The following KIF6 variants were observed in gnomAD, a reference collection of about 807,000 sequenced individuals.
KIF6 encodes kinesin-like protein KIF6.
Under a neutral mutation model 112.7 loss-of-function variants are expected in KIF6, and 106 were observed. The ratio of observed to expected loss-of-function variants is 0.94; its 90% CI spans 0.80 to 1.11. The LOEUF is 1.11. KIF6 is among the 50% of genes least tolerant of loss of function. The pLI, the probability that KIF6 is intolerant of heterozygous loss-of-function variation, is 0.00. For missense variants in KIF6, 929 were observed against 964.0 expected (o/e 0.96, Z 0.48); for synonymous variants, 339 against 339.9 (o/e 1.00, Z 0.03).
intron 16 of KIF6, among the ~76,000 whole-genome samples, chr6:39,364,277 C>T (rs547699693): frequency 1.4e-4 from 21 of 152,068 alleles, no homozygotes; most frequent in Admixed American, 1.3e-4. Context: ...CACACCACCA[C>T]GCCCAGCTAA....
chr6:39,574,400 C>T (rs944904745), intron 10 of KIF6, among the ~76,000 whole-genome samples: 4 of 152,142 alleles, frequency 2.6e-5, no homozygotes, highest in Non-Finnish European at 5.9e-5. Context: ...TGCATGTCGG[C>T]AGAATGCCTT....
At chr6:39,353,652 C>T (rs1764424073) in intron 19 of KIF6, 1 of 157,144 alleles carries the variant, frequency 6.4e-6, no homozygotes, top group Non-Finnish European at 1.4e-5. Context: ...AAACAAAACA[C>T]ATCATGTCAG....
intron 14 of KIF6, among the ~76,000 whole-genome samples, chr6:39,428,202 C>T (rs1417214729): frequency 1.3e-5 from 2 of 152,130 alleles, no homozygotes; most frequent in Non-Finnish European, 2.9e-5. Flanking sequence ...GGAGTCAGGG[C>T]CAGGCTTTGG....
intron 10 of KIF6, among the ~76,000 whole-genome samples, chr6:39,549,587 T>C (rs1038734016): frequency 3.3e-5 from 5 of 152,216 alleles, no homozygotes; most frequent in Non-Finnish European, 7.3e-5. Flanking sequence ...TTGGGTGATG[T>C]ATTTCTAAAA....
chr6:39,389,418 A>G lies in KIF6; in HGVS notation c.1811-3746T>C, dbSNP rs114595311. ...AACATGTTTATGTTGCTATCAAACA[A>G]TAAATACTTATCTCTCATCTACTAT... On this transcript the variant is annotated intron_variant, in intron 15 of 22. Coordinates refer to ENST00000287152, the MANE Select transcript of KIF6 (RefSeq NM_145027.6). Among the ~76,000 whole-genome samples, 881 of 152,272 alleles carry G rather than the reference A, an allele frequency of 5.8e-3. 11 individuals are homozygous for G. Among genetic ancestry groups the G allele is most frequent in the African/African-American group, 0.02 (822 of 41,536 alleles).
At chr6:39,430,721 CT>C (rs1771092124) in intron 14 of KIF6, among the ~76,000 whole-genome samples, 1 of 152,186 alleles carries the variant, frequency 6.6e-6, no homozygotes, top group Admixed American at 6.5e-5. Context: ...GGTCCATAGA[CT>C]TTTTCCCCCC....
At chr6:39,443,711 T>C (rs1772116692) in intron 13 of KIF6, among the ~76,000 whole-genome samples, 1 of 152,012 alleles carries the variant, frequency 6.6e-6, no homozygotes, top group Admixed American at 6.5e-5. Flanking sequence ...CCCAAAGCAC[T>C]GGAATTATAG....
chr6:39,474,371 G>A (rs1409160521), intron 13 of KIF6, among the ~76,000 whole-genome samples: 2 of 152,130 alleles, frequency 1.3e-5, no homozygotes, highest in South Asian at 2.1e-4. Context: ...GTCTTCAGTC[G>A]TAGGTAGCCT....
rs537198408 is a variant in KIF6, at chr6:39,454,294, A to G, written c.1646-23133T>C. On this transcript the variant is annotated intron_variant, in intron 13 of 22. Transcript: ENST00000287152. ...CATCTAAAGAAATGGAAAAGATGAA[A>G]GAGAGATTGAGATGTGAAAGAGAGA... 5.9e-5 allele frequency among the ~76,000 whole-genome samples: 9 copies of G among 152,276 alleles called. No homozygotes were observed. The East Asian group carries it at 1.5e-3, about 26-fold the overall frequency.
chr6:39,622,023 C>T (rs764692957), intron 5 of KIF6, among the ~76,000 whole-genome samples: 19 of 151,722 alleles, frequency 1.3e-4, no homozygotes, highest in Non-Finnish European at 2.5e-4. Flanking sequence ...AAAAATTAGA[C>T]GGGTGGGGCG....
At chr6:39,679,013 G>A (rs1464229847) in intron 3 of KIF6, among the ~76,000 whole-genome samples, 1 of 152,130 alleles carries the variant, frequency 6.6e-6, no homozygotes, top group East Asian at 1.9e-4. Flanking sequence ...ACAAATGACA[G>A]CAGAATTTTA....
At chr6:39,338,812 T>C (rs1415585072) in intron 22 of KIF6, among the ~76,000 whole-genome samples, 1 of 152,156 alleles carries the variant, frequency 6.6e-6, no homozygotes, top group Non-Finnish European at 1.5e-5. Context: ...GCTCTGATGT[T>C]TCTGCTGCAC....
rs180897650 is a variant in KIF6, at chr6:39,499,544, C to T, written c.1645+40459G>A. 2.1e-4 allele frequency among the ~76,000 whole-genome samples: 32 copies of T among 152,188 alleles called. No homozygotes were observed. In the East Asian group the frequency reaches 6.0e-3, roughly 29 times the overall value. ...ACATAGTACCCCAGTATACCCAGTT[C>T]GTTTCCTTAACCCCTGCATACAACT... On this transcript the variant is annotated intron_variant, in intron 13 of 22. Transcript: ENST00000287152.
intron 6 of KIF6, 121 bp from the exon 7 acceptor site, chr6:39,596,381 A>T: frequency 1.4e-6 from 1 of 690,302 alleles, no homozygotes; most frequent in Non-Finnish European, 2.5e-6. Flanking sequence ...TGTCAACTGG[A>T]GCAAAACCAC....
chr6:39,518,838 A>C (rs533218476), intron 13 of KIF6, among the ~76,000 whole-genome samples: 1 of 152,302 alleles, frequency 6.6e-6, no homozygotes, highest in African/African-American at 2.4e-5. Flanking sequence ...TAACTTCTAG[A>C]GAAATAAAAT....
chr6:39,458,193 C>A (rs946963460), intron 13 of KIF6, among the ~76,000 whole-genome samples: 1 of 147,428 alleles, frequency 6.8e-6, no homozygotes, highest in Admixed American at 6.8e-5. Context: ...GGGCTTCATC[C>A]CTGGGATGCA....
chr6:39,710,548 T>C (rs1789488647), intron 3 of KIF6, among the ~76,000 whole-genome samples: 1 of 149,280 alleles, frequency 6.7e-6, no homozygotes, highest in South Asian at 2.1e-4. Flanking sequence ...CAAGCAAGAA[T>C]AGACTTTTTC....
In KIF6 at chr6:39,330,626, G is replaced by A. The variant is rs1047060855; in HGVS notation, c.*5906C>T. The A allele has an allele frequency of 2.0e-5, 3 of 152,256 alleles. No homozygotes were observed. The highest frequency in any genetic ancestry group is 7.2e-5 in the African/African-American group (3 of 41,454). The allele number at this position is 152,256 out of a possible 1,614,324, so 9.4% of individuals were successfully genotyped here. On this transcript the variant is annotated 3_prime_UTR_variant, in exon 23 of 23. Coordinates refer to ENST00000287152, the MANE Select transcript of KIF6 (RefSeq NM_145027.6). ...GAATGGAGAGGGAAGAGTACCAGCT[G>A]GCATGCTGCTTGCTCTTTGCTGAGT...
At chr6:39,491,186 G>T (rs1775462967) in intron 13 of KIF6, among the ~76,000 whole-genome samples, 1 of 152,100 alleles carries the variant, frequency 6.6e-6, no homozygotes, top group African/African-American at 2.4e-5. Context: ...CTCCTGTCTT[G>T]TTAGCTGGAA....
Sources: gnomAD v4.1 joint callset for allele counts (sites outside exome capture counted in the v4.1 genomes callset) on GRCh38, gnomAD v4.1.1 for gene constraint, MANE v1.5 for transcripts, NCBI Gene and HGNC (gene_info 2026-07-23, HGNC 2026-07-21) for gene names.